PATJ: variants seen among roughly 807,000 people sequenced by gnomAD.
PATJ encodes the protein PATJ crumbs cell polarity complex component.
In PATJ, 190 loss-of-function variants were observed where a neutral mutation model predicts 224.9. The observed-to-expected ratio is 0.84, with a 90% CI of 0.75 to 0.95. PATJ has a LOEUF of 0.95. Ranked by LOEUF, PATJ falls within the 40% of genes least tolerant of loss-of-function variation. PATJ has a pLI of 0.00. For missense variants in PATJ, 2,121 were observed against 2,270.3 expected (o/e 0.93, Z 1.34); for synonymous variants, 769 against 820.3 (o/e 0.94, Z 1.07).
intron 27 of PATJ, chr1:61,952,227 AG>A (rs1417114499): frequency 2.2e-5 from 11 of 505,482 alleles, no homozygotes; most frequent in Non-Finnish European, 3.6e-5. Flanking sequence ...ATAGATTGAC[AG>A]GTTGCCCTTA....
chr1:62,055,769 C>T (rs1238172923), intron 31 of PATJ, among the ~76,000 whole-genome samples: 2 of 152,054 alleles, frequency 1.3e-5, no homozygotes, highest in Non-Finnish European at 2.9e-5. Flanking sequence ...TAGGGTTCTC[C>T]GAAGAGACAG....
At chr1:62,073,478 A>T (rs888553575) in intron 31 of PATJ, 20 of 243,372 alleles carry the variant, frequency 8.2e-5, no homozygotes, top group Admixed American at 5.2e-4. Flanking sequence ...TCTTCCAAAA[A>T]TACAAAAATT....
chr1:61,787,356 A>T (rs140142707), intron 7 of PATJ, among the ~76,000 whole-genome samples: 1 of 152,188 alleles, frequency 6.6e-6, no homozygotes, highest in Non-Finnish European at 1.5e-5. Flanking sequence ...TTCCTCAAAC[A>T]TGTCACTGAG....
At chr1:61,803,885 T>A (rs1653034140) in intron 12 of PATJ, among the ~76,000 whole-genome samples, 1 of 152,194 alleles carries the variant, frequency 6.6e-6, no homozygotes, top group African/African-American at 2.4e-5. Flanking sequence ...TCATTTTGTG[T>A]AGCCTAGGAT....
intron 1 of PATJ, among the ~76,000 whole-genome samples, chr1:61,742,813 C>G (rs1212782186): frequency 6.6e-6 from 1 of 150,380 alleles, no homozygotes; most frequent in Non-Finnish European, 1.5e-5. Flanking sequence ...GGGCGCCGTC[C>G]TCCTGCGTCG....
intron 31 of PATJ, among the ~76,000 whole-genome samples, chr1:62,058,935 G>A (rs897740524): frequency 2.1e-4 from 32 of 152,188 alleles, no homozygotes; most frequent in Admixed American, 2.1e-3. Flanking sequence ...TTTGAGCTAA[G>A]TTTTATGAAT....
At chr1:61,863,400 A>T (rs1664938634) in intron 19 of PATJ, among the ~76,000 whole-genome samples, 1 of 152,174 alleles carries the variant, frequency 6.6e-6, no homozygotes, top group Non-Finnish European at 1.5e-5. Context: ...ACAATAGAAA[A>T]GAATAGATTT....
intron 1 of PATJ, among the ~76,000 whole-genome samples, chr1:61,746,622 G>A (rs991812958): frequency 3.3e-5 from 5 of 152,124 alleles, no homozygotes; most frequent in Non-Finnish European, 7.3e-5. Context: ...CACATAAAAT[G>A]GGTTTCCCAT....
chr1:61,960,759 A>C (rs1294154605), intron 27 of PATJ, among the ~76,000 whole-genome samples: 1 of 152,164 alleles, frequency 6.6e-6, no homozygotes, highest in African/African-American at 2.4e-5. Flanking sequence ...AATTTCCCAA[A>C]ATCTTGATGC....
At chr1:62,081,936 A>G (rs78452410) in intron 32 of PATJ, among the ~76,000 whole-genome samples, 6,438 of 152,322 alleles carry the variant, frequency 0.042, 308 homozygotes, top group African/African-American at 0.11. Flanking sequence ...TTTATTGTAA[A>G]TTAATGGGAA....
intron 27 of PATJ, among the ~76,000 whole-genome samples, chr1:61,954,606 G>A (rs1176646800): frequency 5.3e-5 from 8 of 152,272 alleles, no homozygotes; most frequent in Admixed American, 5.2e-4. Flanking sequence ...CTTTCTTGCA[G>A]AGACTGCCTC....
intron 1 of PATJ, among the ~76,000 whole-genome samples, chr1:61,750,596 C>T (rs897562644): frequency 6.6e-6 from 1 of 151,850 alleles, no homozygotes; most frequent in African/African-American, 2.4e-5. Flanking sequence ...CGCGACCATG[C>T]CTGGCTAATA....
intron 33 of PATJ, among the ~76,000 whole-genome samples, chr1:62,090,292 C>G (rs950705625): frequency 6.6e-6 from 1 of 152,104 alleles, no homozygotes; most frequent in Admixed American, 6.6e-5. Flanking sequence ...TTGGTGGATG[C>G]GGCTCTTCTG....
intron 33 of PATJ, among the ~76,000 whole-genome samples, chr1:62,099,004 T>A (rs1661767602): frequency 6.6e-6 from 1 of 152,208 alleles, no homozygotes. Context: ...TTTTAAACTC[T>A]ATAACTGTAG....
chr1:61,808,357 C>A, intron 13 of PATJ, 117 bp from the exon 14 acceptor site: 2 of 669,228 alleles, frequency 3.0e-6, no homozygotes, highest in Non-Finnish European at 2.7e-6. Context: ...AGAAAGGTAT[C>A]GGAATGTAGG....
chr1:62,071,138 C>G (rs1015098179), intron 31 of PATJ, among the ~76,000 whole-genome samples: 2 of 152,250 alleles, frequency 1.3e-5, no homozygotes, highest in East Asian at 3.9e-4. Flanking sequence ...GTTAGTCTTA[C>G]TTACTCTAAA....
At chr1:62,029,629 T>A in intron 29 of PATJ, among the ~76,000 whole-genome samples, 1 of 152,152 alleles carries the variant, frequency 6.6e-6, no homozygotes, top group South Asian at 2.1e-4. Flanking sequence ...TACAGTGAAA[T>A]ACCCTTAGAA....
chr1:61,842,372 C>G (rs1661235481), intron 17 of PATJ, among the ~76,000 whole-genome samples: 1 of 152,140 alleles, frequency 6.6e-6, no homozygotes. Context: ...GGCAAAAAAT[C>G]CCATTGTGTC....
Position 62,157,844 on chromosome 1 carries a change from A to T in PATJ, c.5503-3064A>T, listed in dbSNP as rs982539772. The stretch of plus-strand genomic sequence containing the variant: ...AGACTCTGTCTCCAAAAAAAAAAAA[A>T]AAAAAAAAAAATAATCCAAGCCAGC... On this transcript the variant is annotated intron_variant, in intron 43 of 43. Coordinates refer to ENST00000642238, the MANE Select transcript of PATJ (RefSeq NM_001350145.3). Among the ~76,000 whole-genome samples the T allele has an allele frequency of 5.3e-5, 7 of 131,652 alleles. No homozygotes were observed. The South Asian group carries it at 1.1e-3, about 21-fold the overall frequency. The allele number at this position is 131,652 out of a possible 152,430, so 86.4% of individuals were successfully genotyped here.
Sources: allele counts gnomAD v4.1 joint callset (sites outside exome capture counted in the v4.1 genomes callset), GRCh38; gene constraint gnomAD v4.1.1; transcripts MANE v1.5; gene names NCBI Gene and HGNC (gene_info 2026-07-23, HGNC 2026-07-21).